The following PPM1L variants were observed in gnomAD, a reference collection of about 807,000 sequenced individuals.
PPM1L encodes protein phosphatase, Mg2+/Mn2+ dependent 1L.
In PPM1L, 13 loss-of-function variants were observed where a neutral mutation model predicts 31.4. The ratio of observed to expected loss-of-function variants is 0.41; its 90% CI spans 0.27 to 0.66. The LOEUF (loss-of-function observed/expected upper bound fraction) is 0.66, where lower values mean the gene tolerates loss of function less well. PPM1L is among the 30% of genes least tolerant of loss of function. The probability of loss-of-function intolerance (pLI) is 0.29; values close to 1 mark genes in which losing one functional copy is unlikely to be tolerated. For missense variants in PPM1L, 326 were observed against 453.7 expected (o/e 0.72, Z 2.56); for synonymous variants, 184 against 175.4 (o/e 1.05, Z -0.39).
chr3:160,973,303 T>A (rs1413273162), intron 2 of PPM1L, among the ~76,000 whole-genome samples: 1 of 152,206 alleles, frequency 6.6e-6, no homozygotes, highest in Non-Finnish European at 1.5e-5. Context: ...AAGTAGTATT[T>A]GATTACAAGG....
intron 2 of PPM1L, among the ~76,000 whole-genome samples, chr3:161,016,154 T>G (rs1718082126): frequency 6.6e-6 from 1 of 152,318 alleles, no homozygotes; most frequent in East Asian, 1.9e-4. Flanking sequence ...TAACCAGTTA[T>G]AGAAGCTTTG....
intron 1 of PPM1L, among the ~76,000 whole-genome samples, chr3:160,954,079 A>G (rs186240950): frequency 1.8e-3 from 269 of 152,034 alleles, no homozygotes; most frequent in African/African-American, 6.3e-3. Flanking sequence ...CTGCTCCCAT[A>G]CTCACTGTAT....
chr3:161,065,889 C>T (rs139786347), intron 3 of PPM1L, among the ~76,000 whole-genome samples: 2,187 of 152,346 alleles, frequency 0.014, 26 homozygotes, highest in Middle Eastern at 0.031. Context: ...ACTAATCATT[C>T]CTAAAAAGAC....
At chr3:160,980,727 A>G (rs1179346355) in intron 2 of PPM1L, among the ~76,000 whole-genome samples, 3 of 150,206 alleles carry the variant, frequency 2.0e-5, no homozygotes, top group East Asian at 4.0e-4. Context: ...AGAGAGAGAG[A>G]GAGAAAAAGA....
At chr3:161,040,205 T>G (rs1350172388) in intron 2 of PPM1L, among the ~76,000 whole-genome samples, 4 of 152,234 alleles carry the variant, frequency 2.6e-5, no homozygotes, top group African/African-American at 9.6e-5. Flanking sequence ...CCCTTTGCTT[T>G]CTTCTTTGAT....
intron 1 of PPM1L, among the ~76,000 whole-genome samples, chr3:160,827,447 T>TTGTGTGTGTGTGTGTGTGTGTGTGTG (rs59524935): frequency 7.1e-6 from 1 of 141,360 alleles, no homozygotes; most frequent in Admixed American, 7.1e-5. Flanking sequence ...TGATATAAGT[T>TTGTGTGTGTGTGTGTGTGTGTGTGTG]TGTGTGTGTG....
chr3:161,062,105 A>G (rs1719589842), intron 2 of PPM1L, among the ~76,000 whole-genome samples: 1 of 152,030 alleles, frequency 6.6e-6, no homozygotes, highest in African/African-American at 2.4e-5. Context: ...GGGCCAAATA[A>G]ACAGTCATTG....
intron 2 of PPM1L, among the ~76,000 whole-genome samples, chr3:160,977,118 A>G (rs1576756982): frequency 6.6e-6 from 1 of 152,100 alleles, no homozygotes; most frequent in African/African-American, 2.4e-5. Flanking sequence ...TTTCTGTGAA[A>G]GACACTGTTT....
chr3:160,859,830 T>C (rs1480681023), intron 1 of PPM1L, among the ~76,000 whole-genome samples: 1 of 152,004 alleles, frequency 6.6e-6, no homozygotes, highest in East Asian at 1.9e-4. Context: ...CTGATAAAAG[T>C]GTATTTGTGA....
At chr3:160,957,492 A>G (rs1265569470) in intron 1 of PPM1L, among the ~76,000 whole-genome samples, 3 of 151,894 alleles carry the variant, frequency 2.0e-5, no homozygotes, top group African/African-American at 7.3e-5. Context: ...GTCTTCCACA[A>G]TGGCTGAACT....
At chr3:160,863,584 C>T (rs1267067908) in intron 1 of PPM1L, among the ~76,000 whole-genome samples, 1 of 152,194 alleles carries the variant, frequency 6.6e-6, no homozygotes, top group African/African-American at 2.4e-5. Flanking sequence ...TCATGTGCTG[C>T]TGTGGAAACT....
intron 1 of PPM1L, among the ~76,000 whole-genome samples, chr3:160,924,449 G>T (rs1342678789): frequency 6.6e-6 from 1 of 152,144 alleles, no homozygotes; most frequent in African/African-American, 2.4e-5. Context: ...TCCTAATTTT[G>T]GCAGGTTCTG....
chr3:160,832,102 T>G (rs1164135603), intron 1 of PPM1L, among the ~76,000 whole-genome samples: 1 of 152,202 alleles, frequency 6.6e-6, no homozygotes, highest in Non-Finnish European at 1.5e-5. Flanking sequence ...GATGTAAAGA[T>G]GAGTATGTGT....
chr3:161,024,356 C>T (rs1718321057), intron 2 of PPM1L, among the ~76,000 whole-genome samples: 1 of 151,958 alleles, frequency 6.6e-6, no homozygotes, highest in Admixed American at 6.6e-5. Context: ...TGCTTTTAAC[C>T]AATACCCTGG....
intron 2 of PPM1L, among the ~76,000 whole-genome samples, chr3:160,985,833 C>T (rs1716945203): frequency 6.6e-6 from 1 of 151,678 alleles, no homozygotes; most frequent in Non-Finnish European, 1.5e-5. Flanking sequence ...TAACCATTTC[C>T]TCTCACCAAA....
chr3:161,066,883 A>G (rs1719757180), intron 3 of PPM1L, among the ~76,000 whole-genome samples: 1 of 152,236 alleles, frequency 6.6e-6, no homozygotes, highest in African/African-American at 2.4e-5. Flanking sequence ...AATGTGTTGA[A>G]TTTTATTACA....
At chr3:160,952,668 A>G (rs979959264) in intron 1 of PPM1L, among the ~76,000 whole-genome samples, 1 of 152,230 alleles carries the variant, frequency 6.6e-6, no homozygotes, top group African/African-American at 2.4e-5. Flanking sequence ...ATGATTTATC[A>G]GTGTTTTAAA....
chr3:160,854,879 C>CAA (rs33923660), intron 1 of PPM1L, among the ~76,000 whole-genome samples: 4 of 95,624 alleles, frequency 4.2e-5, no homozygotes, highest in Admixed American at 1.0e-4. Flanking sequence ...CATGTGGAAC[C>CAA]AAAAAAAAAA....
intron 2 of PPM1L, among the ~76,000 whole-genome samples, chr3:161,009,748 C>A (rs947954327): frequency 6.6e-6 from 1 of 151,844 alleles, no homozygotes; most frequent in African/African-American, 2.4e-5. Context: ...TTCTATTTAA[C>A]TAGGAAGTGA....
Sources: allele counts gnomAD v4.1 joint callset (sites outside exome capture counted in the v4.1 genomes callset), GRCh38; gene constraint gnomAD v4.1.1; transcripts MANE v1.5; gene names NCBI Gene and HGNC (gene_info 2026-07-23, HGNC 2026-07-21).